Variants in DOCK2 observed in about 807,000 individuals in gnomAD.
The protein encoded by DOCK2 is dedicator of cytokinesis protein 2.
DOCK2 carries 87 observed loss-of-function variants against 248.9 expected under a neutral mutation model. The ratio of observed to expected loss-of-function variants is 0.35; its 90% CI spans 0.29 to 0.42. The LOEUF is 0.42. Among genes scored for constraint, DOCK2 ranks in the 10% least tolerant of loss-of-function variants. DOCK2 has a pLI of 1.00. For missense variants in DOCK2, 1,747 were observed against 2,300.2 expected, an observed-to-expected ratio of 0.76 and a Z score of 4.92; for synonymous variants, 805 against 821.6, an observed-to-expected ratio of 0.98 and a Z score of 0.35.
At chr5:169,995,029 ATTTTTTTT>A (rs11321220) in intron 29 of DOCK2, among the ~76,000 whole-genome samples, 16 of 140,568 alleles carry the variant, frequency 1.1e-4, no homozygotes, top group African/African-American at 2.9e-4. Context: ...GTTATTTTTT[ATTTTTTTT>A]TTTTTTTTTT....
chr5:169,702,982 G>A (rs753611654), intron 14 of DOCK2, among the ~76,000 whole-genome samples: 2 of 152,168 alleles, frequency 1.3e-5, no homozygotes, highest in Non-Finnish European at 2.9e-5. Flanking sequence ...GGAATGCAAA[G>A]CGCATTGCTA....
chr5:169,887,700 T>A lies in DOCK2; in HGVS notation c.2799+46848T>A, dbSNP rs1773050081. ...CTATAAATAAACATTTTTATGTAAA[T>A]CTTGGAGCTCTTGTCTAATTATCTT... On this transcript the variant is annotated intron_variant, in intron 27 of 51. Transcript: ENST00000520908. 2.0e-5 allele frequency among the ~76,000 whole-genome samples: 3 copies of A among 152,242 alleles called. 1 individual carries two copies. In the South Asian group the frequency reaches 6.2e-4, roughly 32 times the overall value.
intron 27 of DOCK2, among the ~76,000 whole-genome samples, chr5:169,976,327 G>C (rs1402819725): frequency 1.3e-5 from 2 of 152,274 alleles, no homozygotes; most frequent in Non-Finnish European, 2.9e-5. Context: ...CTAAAAGTCT[G>C]CATAAGCAAG....
At chr5:170,036,011 G>A (rs1401708908) in intron 35 of DOCK2, among the ~76,000 whole-genome samples, 1 of 152,184 alleles carries the variant, frequency 6.6e-6, no homozygotes, top group African/African-American at 2.4e-5. Context: ...GTATTGCCAA[G>A]TTTAAATGTT....
chr5:169,950,892 G>A (rs1168793735), intron 27 of DOCK2, among the ~76,000 whole-genome samples: 1 of 152,242 alleles, frequency 6.6e-6, no homozygotes, highest in Non-Finnish European at 1.5e-5. Flanking sequence ...GATGTGGCCT[G>A]TGATGTTTTG....
chr5:169,715,253 G>A (rs959211907), intron 19 of DOCK2, among the ~76,000 whole-genome samples: 2 of 152,182 alleles, frequency 1.3e-5, no homozygotes, highest in Non-Finnish European at 1.5e-5. Flanking sequence ...TGGGACAAGT[G>A]TTTCCCAATG....
intron 27 of DOCK2, chr5:169,882,928 C>A: frequency 6.4e-7 from 1 of 1,551,902 alleles, no homozygotes. Flanking sequence ...TGAGGCTCTT[C>A]CTGGGTGGGC....
At chr5:169,697,391 C>T (rs1005412021) in intron 10 of DOCK2, among the ~76,000 whole-genome samples, 1 of 152,162 alleles carries the variant, frequency 6.6e-6, no homozygotes, top group South Asian at 2.1e-4. Flanking sequence ...ACTTAGCAAC[C>T]AGTGGAAAGA....
chr5:169,787,737 T>G lies in DOCK2; in HGVS notation c.2555-15321T>G, dbSNP rs1450393067. Among the ~76,000 whole-genome samples, 3 of 150,696 alleles carry G rather than the reference T, an allele frequency of 2.0e-5. No individual in the cohort carries two copies. In the East Asian group the frequency reaches 5.9e-4, roughly 30 times the overall value. On this transcript the variant is annotated intron_variant, in intron 25 of 51. Coordinates refer to ENST00000520908, the MANE Select transcript of DOCK2 (RefSeq NM_004946.3). ...TTTTTTTTTTGCCTCCTCTTCTGTG[T>G]CTGTCTTCTCTTTCTTTGCCTCCTC...
chr5:170,041,980 C>G, intron 37 of DOCK2, 33 bp from the exon 38 acceptor site: 1 of 1,609,024 alleles, frequency 6.2e-7, no homozygotes, highest in Non-Finnish European at 8.5e-7. Context: ...AGCCTCTCGG[C>G]CCTGTGTGAC....
At chr5:169,731,536 T>C (rs1405030422) in intron 22 of DOCK2, among the ~76,000 whole-genome samples, 1 of 152,108 alleles carries the variant, frequency 6.6e-6, no homozygotes, top group Non-Finnish European at 1.5e-5. Context: ...AATGGCCTAG[T>C]CTCGGCTATG....
chr5:169,750,598 G>T (rs1763846635), intron 23 of DOCK2, among the ~76,000 whole-genome samples: 2 of 152,188 alleles, frequency 1.3e-5, no homozygotes, highest in African/African-American at 4.8e-5. Flanking sequence ...TGTCTGGGTA[G>T]CTGTGTTAGA....
chr5:169,807,856 A>AAAAAAAG (rs1767488125), intron 26 of DOCK2, among the ~76,000 whole-genome samples: 1 of 150,678 alleles, frequency 6.6e-6, no homozygotes, highest in Non-Finnish European at 1.5e-5. Flanking sequence ...AAAAAAAAAA[A>AAAAAAAG]AAATCTAGCA....
In DOCK2 at chr5:169,924,538, T is replaced by A. The variant is rs371949182; in HGVS notation, c.2800-58530T>A. 3.6e-3 allele frequency among the ~76,000 whole-genome samples: 556 copies of A among 152,330 alleles called. 34 individuals are homozygous for A. In the South Asian group the frequency reaches 0.11, roughly 29 times the overall value. ...AGAATCTTGATGATCTTTTGGCTGC[T>A]TCTTGGGTAGCAATTTAGACTCTCA... On this transcript the variant is annotated intron_variant, in intron 27 of 51. Transcript: ENST00000520908.
chr5:169,645,533 G>T (rs1458337980), intron 1 of DOCK2, among the ~76,000 whole-genome samples: 1 of 152,166 alleles, frequency 6.6e-6, no homozygotes, highest in African/African-American at 2.4e-5. Context: ...TTTGTCAGAT[G>T]AGTAGATTGC....
intron 25 of DOCK2, among the ~76,000 whole-genome samples, chr5:169,771,951 G>T (rs1183591662): frequency 2.6e-5 from 4 of 151,988 alleles, no homozygotes; most frequent in Admixed American, 1.3e-4. Context: ...TTTCATTTTT[G>T]TTTTTTTCCC....
chr5:169,992,183 C>T (rs964893356), intron 29 of DOCK2, among the ~76,000 whole-genome samples: 1 of 152,160 alleles, frequency 6.6e-6, no homozygotes, highest in Non-Finnish European at 1.5e-5. Flanking sequence ...GAAACCATAT[C>T]TAACTCAGAG....
chr5:169,715,225 C>T (rs1414652516), intron 19 of DOCK2, among the ~76,000 whole-genome samples: 1 of 152,200 alleles, frequency 6.6e-6, no homozygotes, highest in Admixed American at 6.5e-5. Context: ...AGCAACCCTT[C>T]TCTCCAGCCT....
Position 169,986,602 on chromosome 5 carries a change from A to G in DOCK2, c.2993+680A>G, listed in dbSNP as rs983488735. ...ATTTCACCAAAGTAAAATCCAAATT[A>G]TAACATTCATTAATCTTTTCTAATA... On this transcript the variant is annotated intron_variant, in intron 29 of 51. Coordinates refer to ENST00000520908, the MANE Select transcript of DOCK2 (RefSeq NM_004946.3). 2.6e-5 allele frequency among the ~76,000 whole-genome samples: 4 copies of G among 152,220 alleles called. 1 individual carries two copies. Among genetic ancestry groups the G allele is most frequent in the African/African-American group, 9.6e-5 (4 of 41,458 alleles).
Sources: allele counts gnomAD v4.1 joint callset (sites outside exome capture counted in the v4.1 genomes callset), GRCh38; gene constraint gnomAD v4.1.1; transcripts MANE v1.5; gene names NCBI Gene and HGNC (gene_info 2026-07-23, HGNC 2026-07-21).